The following RAB4A variants were observed in gnomAD, a reference collection of about 807,000 sequenced individuals.
RAB4A encodes ras-related protein Rab-4A.
In RAB4A, 20 loss-of-function variants were observed where a neutral mutation model predicts 34.5. The observed-to-expected ratio is 0.58, with a 90% CI of 0.41 to 0.84. The LOEUF (loss-of-function observed/expected upper bound fraction) is 0.84. Ranked by LOEUF, RAB4A falls within the 40% of genes least tolerant of loss-of-function variation. The pLI is 0.00. For missense variants in RAB4A, 228 were observed against 274.5 expected (o/e 0.83, Z 1.20); for synonymous variants, 102 against 100.0 (o/e 1.02, Z -0.12).
chr1:229,289,775 C>T (rs1466823470), intron 3 of RAB4A, among the ~76,000 whole-genome samples: 1 of 152,148 alleles, frequency 6.6e-6, no homozygotes, highest in East Asian at 1.9e-4. Flanking sequence ...GAGATCACGC[C>T]ATTGTACTCC....
intron 3 of RAB4A, 21 bp from the exon 4 acceptor site, chr1:229,295,827 A>G (rs774279689): frequency 6.2e-7 from 1 of 1,613,828 alleles, no homozygotes; most frequent in South Asian, 1.1e-5. Flanking sequence ...GTTGAAAGTA[A>G]AACCAGTATA....
At chr1:229,284,580 C>T (rs1046207455) in intron 1 of RAB4A, among the ~76,000 whole-genome samples, 4 of 152,142 alleles carry the variant, frequency 2.6e-5, no homozygotes, top group African/African-American at 9.7e-5. Context: ...CCGTTGCTTT[C>T]GGACCTTTGG....
At chr1:229,300,101 T>G (rs1026832136) in intron 6 of RAB4A, among the ~76,000 whole-genome samples, 1 of 152,216 alleles carries the variant, frequency 6.6e-6, no homozygotes, top group African/African-American at 2.4e-5. Context: ...CTAGAGACAC[T>G]GAGATGCATT....
At chr1:229,277,568 T>C (rs237750) in intron 1 of RAB4A, among the ~76,000 whole-genome samples, 5,171 of 151,418 alleles carry the variant, frequency 0.034, 582 homozygotes, top group African/African-American at 0.12. Flanking sequence ...TCGTTGCTGT[T>C]ATCTGATGAC....
chr1:229,284,094 G>GTTTTTTTTTTTTTTTTTTTTTTTTTTTGT (rs773213321), intron 1 of RAB4A, among the ~76,000 whole-genome samples: 1 of 45,904 alleles, frequency 2.2e-5, no homozygotes, highest in Non-Finnish European at 3.8e-5. Context: ...GTGTTGTTTG[G>GTTTTTTTTTTTTTTTTTTTTTTTTTTTGT]TTTTTTTTTT....
At chr1:229,296,028 G>C (rs2102852235) in intron 4 of RAB4A, 118 bp downstream of exon 4, 1 of 1,038,906 alleles carries the variant, frequency 9.6e-7, no homozygotes, top group South Asian at 1.5e-5. Flanking sequence ...CGGTGGTGTG[G>C]CTGGCATCCA....
intron 6 of RAB4A, among the ~76,000 whole-genome samples, chr1:229,300,178 C>CTTTAAATTTAAAAA (rs1657344251): frequency 6.6e-6 from 1 of 152,172 alleles, no homozygotes; most frequent in Non-Finnish European, 1.5e-5. Flanking sequence ...ATGGTCGAGG[C>CTTTAAATTTAAAAA]ACCAGTGTTT....
chr1:229,279,897 A>G (rs1427869549), intron 1 of RAB4A, among the ~76,000 whole-genome samples: 4 of 152,230 alleles, frequency 2.6e-5, no homozygotes, highest in South Asian at 2.1e-4. Context: ...AACGTTCACT[A>G]TAATAAACAC....
At chr1:229,293,735 G>A (rs1657159424) in intron 3 of RAB4A, among the ~76,000 whole-genome samples, 1 of 152,106 alleles carries the variant, frequency 6.6e-6, no homozygotes, top group African/African-American at 2.4e-5. Context: ...CCAGGAGACA[G>A]CACGCTGAGA....
chr1:229,289,672 C>T (rs528046469), intron 3 of RAB4A, among the ~76,000 whole-genome samples: 42 of 152,144 alleles, frequency 2.8e-4, no homozygotes, highest in Middle Eastern at 3.4e-3. Context: ...AAAAATTAGC[C>T]GGGCGTGGTG....
intron 1 of RAB4A, among the ~76,000 whole-genome samples, chr1:229,280,907 C>A (rs1419691874): frequency 1.3e-5 from 2 of 152,150 alleles, no homozygotes; most frequent in Non-Finnish European, 2.9e-5. Context: ...GACTTTTTCA[C>A]TCAGTATAAT....
intron 1 of RAB4A, among the ~76,000 whole-genome samples, chr1:229,278,907 C>T (rs112530056): frequency 0.02 from 2,993 of 152,292 alleles, 101 homozygotes; most frequent in African/African-American, 0.068. Flanking sequence ...TCTTACTTAG[C>T]TTCTCTTTTC....
At chr1:229,299,132 A>G (rs974085425) in intron 6 of RAB4A, 60 bp downstream of exon 6, 69 of 1,160,484 alleles carry the variant, frequency 5.9e-5, no homozygotes, top group Non-Finnish European at 7.9e-5. Context: ...AGCTCAGTAG[A>G]TCACCTTTTA....
chr1:229,277,688 C>G (rs9435831), intron 1 of RAB4A, among the ~76,000 whole-genome samples: 62,169 of 150,720 alleles, frequency 0.41, 13,399 homozygotes, highest in Admixed American at 0.46. Context: ...GGTCAATCAA[C>G]AACTCCGCTC....
At position 229,286,551 on chromosome 1, in the gene RAB4A, T is replaced by C; in HGVS notation, c.97T>C (p.Phe33Leu). 1.1e-5 allele frequency: 17 copies of C among 1,571,160 alleles called. No homozygotes were observed. The highest frequency in any genetic ancestry group is 1.3e-5 in the Non-Finnish European group (15 of 1,157,320). ...TGGCAAATCTTGCTTACTTCATCAG[T>C]TTATTGAAAAAAAATGTAAGTGTCA... Reference protein sequence around the residue: ...GTGKSCLLHQFIEKKFKDDSN... With the variant: ...GTGKSCLLHQLIEKKFKDDSN... The change falls in exon 2 of 8, where the codon TTT becomes CTT. Residue 33 changes from phenylalanine (F) to leucine (L), a missense_variant. By Grantham distance (22) the Phe-to-Leu change is conservative. Coordinates refer to ENST00000366690, the MANE Select transcript of RAB4A (RefSeq NM_004578.4).
chr1:229,298,045 G>A (rs935132633), intron 5 of RAB4A, among the ~76,000 whole-genome samples: 1 of 151,980 alleles, frequency 6.6e-6, no homozygotes, highest in African/African-American at 2.4e-5. Context: ...TTGGCTTTTT[G>A]GCTTCATTTT....
chr1:229,284,426 T>C (rs186326047), intron 1 of RAB4A, among the ~76,000 whole-genome samples: 186 of 152,256 alleles, frequency 1.2e-3, no homozygotes, highest in Non-Finnish European at 1.9e-3. Flanking sequence ...TTGTTCTTAG[T>C]GAGAAAAATA....
chr1:229,282,447 T>G (rs911688498), intron 1 of RAB4A, among the ~76,000 whole-genome samples: 1 of 152,248 alleles, frequency 6.6e-6, no homozygotes, highest in South Asian at 2.1e-4. Flanking sequence ...TTGAGTTCAT[T>G]CAGCTTTTCA....
At chr1:229,289,421 A>C (rs1218691362) in intron 3 of RAB4A, among the ~76,000 whole-genome samples, 2 of 152,246 alleles carry the variant, frequency 1.3e-5, no homozygotes, top group African/African-American at 4.8e-5. Context: ...ACAGATGCAC[A>C]AAGTCAGAAC....
Sources: allele counts gnomAD v4.1 joint callset (sites outside exome capture counted in the v4.1 genomes callset), GRCh38; gene constraint gnomAD v4.1.1; transcripts MANE v1.5; gene names NCBI Gene and HGNC (gene_info 2026-07-23, HGNC 2026-07-21).